MUC6: variants seen among roughly 807,000 people sequenced by gnomAD.
MUC6 encodes mucin-6.
In MUC6, 188 loss-of-function variants were observed where a neutral mutation model predicts 201.5. The observed-to-expected ratio is 0.93, with a 90% CI of 0.83 to 1.05. The LOEUF (loss-of-function observed/expected upper bound fraction) is 1.05. Ranked by LOEUF, MUC6 falls within the 50% of genes least tolerant of loss-of-function variation. MUC6 has a pLI of 0.00. For missense variants in MUC6, 2,706 were observed against 3,256.9 expected (o/e 0.83, Z 4.12); for synonymous variants, 1,228 against 1,389.4 (o/e 0.88, Z 2.58).
At position 1,021,118 on chromosome 11, in the gene MUC6, C is replaced by G. The variant is rs997063399; in HGVS notation, c.3589+97G>C. 57 of 1,222,650 alleles carry G rather than the reference C, an allele frequency of 4.7e-5. No homozygotes were observed. In the East Asian group the frequency reaches 1.6e-3, roughly 33 times the overall value. 75.7% of individuals were successfully genotyped at this position (1,222,650 alleles called of 1,614,324 possible). A position where few individuals can be genotyped will look rare whatever the true frequency, so the allele number is the denominator to read the frequency against. On this transcript the variant is annotated intron_variant, in intron 27 of 32. Coordinates refer to ENST00000421673, the MANE Select transcript of MUC6 (RefSeq NM_005961.3). The stretch of plus-strand genomic sequence containing the variant: ...CCAGAGCTCACGTAAGGGCTCACAG[C>G]CCCCGAGGGCTCTCTCCCTTGTTTG...
chr11:1,023,413 TGTGTGAATGAATGAATGC>T (rs1216116534), intron 26 of MUC6, 78 bp downstream of exon 26: 12 of 1,399,798 alleles, frequency 8.6e-6, no homozygotes, highest in South Asian at 8.1e-5. Context: ...CATGAATGAA[TGTGTGAATGAATGAATGC>T]GTGTGAATGA....
chr11:1,022,370 G>T (rs912759793), intron 26 of MUC6, among the ~76,000 whole-genome samples: 1 of 151,604 alleles, frequency 6.6e-6, no homozygotes, highest in African/African-American at 2.4e-5. Flanking sequence ...TGCAGCCCGC[G>T]CCCCTCACTC....
At chr11:1,021,137 T>C (rs369736979) in intron 27 of MUC6, 78 bp downstream of exon 27, 1 of 1,365,202 alleles carries the variant, frequency 7.3e-7, no homozygotes. Context: ...GCTCTCTCCC[T>C]TGTTTGTGGG....
At chr11:1,023,093 T>G (rs976631445) in intron 26 of MUC6, among the ~76,000 whole-genome samples, 1 of 142,546 alleles carries the variant, frequency 7.0e-6, no homozygotes, top group Non-Finnish European at 1.5e-5. Flanking sequence ...TGTGTGTGGG[T>G]GAATGAATGG....
Position 1,027,163 on chromosome 11 carries a change from C to T in MUC6, c.2262G>A (p.Pro754=), listed in dbSNP as rs751973769. The change falls in exon 18 of 33, where the codon CCG becomes CCA. Residue 754 remains proline (P), a synonymous_variant. Transcript: ENST00000421673. Reference sequence around the variant, plus strand: ...TACCCAGGAACATCTGTGGCCGCTGCGGGCAACTCAGCCGCCCGTTGATGC... The same window carrying T: ...TACCCAGGAACATCTGTGGCCGCTGTGGGCAACTCAGCCGCCCGTTGATGC... ...CHCINGRLSC[P]QRPQMFLASC... The T allele has an allele frequency of 4.4e-5, 71 of 1,612,438 alleles. No homozygotes were observed. The highest frequency in any genetic ancestry group is 5.5e-5 in the South Asian group (5 of 91,090).
rs758835108 is a variant in MUC6, at chr11:1,033,205, G to A, written c.53-130C>T. 1.9e-5 allele frequency: 17 copies of A among 899,598 alleles called. No homozygotes were observed. Among genetic ancestry groups the A allele is most frequent in the African/African-American group, 1.3e-4 (8 of 60,952 alleles). The allele number at this position is 899,598 out of a possible 1,614,324, so 55.7% of individuals were successfully genotyped here. ...GGCGTGCGAGAAGTGTCCATGGCCCGTGGGGCTCGAGGCCTCAACAGCAAG... is the reference window on the plus strand; with the variant it reads ...GGCGTGCGAGAAGTGTCCATGGCCCATGGGGCTCGAGGCCTCAACAGCAAG... On this transcript the variant is annotated intron_variant, in intron 1 of 32. Transcript: ENST00000421673. This position sits in a 1 kb window ranked among gnomAD's most constrained non-coding sequence, Gnocchi z 5.6.
intron 20 of MUC6, 79 bp downstream of exon 20, chr11:1,026,248 C>T: frequency 6.5e-7 from 1 of 1,537,174 alleles, no homozygotes; most frequent in African/African-American, 1.4e-5. Context: ...GCCTCTGGGA[C>T]AGCCCCACCC....
intron 1 of MUC6, among the ~76,000 whole-genome samples, chr11:1,035,401 G>T (rs1047270906): frequency 6.6e-6 from 1 of 152,212 alleles, no homozygotes; most frequent in Non-Finnish European, 1.5e-5. Flanking sequence ...GCTGTGCCAG[G>T]TGTGCAGGTA....
In MUC6 at chr11:1,020,725, G is replaced by T; in HGVS notation, c.3599C>A (p.Thr1200Asn). 4 of 1,613,078 alleles carry T rather than the reference G, an allele frequency of 2.5e-6. No homozygotes were observed. Among genetic ancestry groups the T allele is most frequent in the Non-Finnish European group, 3.4e-6 (4 of 1,179,870 alleles). The change falls in exon 28 of 33, where the codon ACC becomes AAC. Residue 1200 changes from threonine to asparagine, a missense_variant. Transcript: ENST00000421673. ...CGGCGTGGTGGGTGGCTGCGGCGTG[G>T]TGGGCGGCACTGCAAGAAGATGGGG... ...EGVCVPCMPP[T>N]TPQPPTTPQL... is the part of the protein sequence containing the mutation.
At chr11:1,019,954 A>T in intron 29 of MUC6, 136 bp downstream of exon 29, 1 of 1,189,378 alleles carries the variant, frequency 8.4e-7, no homozygotes, top group South Asian at 1.3e-5. Flanking sequence ...TCCCAAGCAT[A>T]GGAAGTTCTA....
At chr11:1,029,389 C>G (rs927508878) in intron 9 of MUC6, 23 bp from the exon 10 acceptor site, 1 of 1,592,910 alleles carries the variant, frequency 6.3e-7, no homozygotes, top group African/African-American at 1.3e-5. Flanking sequence ...GTGGGGGTAG[C>G]GGCATGGTGG....
Position 1,027,748 on chromosome 11 carries a change from C to T in MUC6, c.1918G>A (p.Val640Ile), listed in dbSNP as rs746619035. 2.1e-5 allele frequency: 33 copies of T among 1,609,584 alleles called. No individual in the cohort carries two copies. In the Admixed American group the frequency reaches 2.7e-4, roughly 13 times the overall value. The change falls in exon 16 of 33, where the codon GTA (valine) becomes ATA (isoleucine). Residue 640 changes from valine (V) to isoleucine (I), a missense_variant. Physicochemically the swap from Val to Ile is conservative, Grantham distance 29. Transcript: ENST00000421673. ...PHICAALGDY[V>I]HACSLRGVLL... Reference sequence around the variant, plus strand: ...ACGCCCCGCAAGGAGCAGGCGTGTACGTAGTCGCCCAGGGCGGCACAGATG... The same window carrying T: ...ACGCCCCGCAAGGAGCAGGCGTGTATGTAGTCGCCCAGGGCGGCACAGATG...
At chr11:1,013,775 A>T in intron 32 of MUC6, 124 bp downstream of exon 32, 1 of 1,386,832 alleles carries the variant, frequency 7.2e-7, no homozygotes, top group Non-Finnish European at 9.9e-7. Flanking sequence ...TGTTGGGCAG[A>T]TGGAGCGCAG....
At chr11:1,027,658 C>T (rs1171177923) in intron 16 of MUC6, 27 bp downstream of exon 16, 1 of 1,582,872 alleles carries the variant, frequency 6.3e-7, no homozygotes, top group Non-Finnish European at 8.6e-7. Context: ...CTGCCGTGAC[C>T]CCGCTTAAGC....
chr11:1,016,403 G>T lies in MUC6; in HGVS notation c.6398C>A (p.Pro2133His). ...AACAGTAGAGGGGGCAGAAGGACTG[G>T]GAGAAAATGAGGAGGACAGCTGATT... ...TTNQLSSSFSPSPSAPSTVSS... is the reference protein window; with the variant it reads ...TTNQLSSSFSHSPSAPSTVSS... The change falls in exon 31 of 33, where the codon CCC becomes CAC. Residue 2133 changes from proline to histidine, a missense_variant. Transcript: ENST00000421673. 1.2e-6 allele frequency: 2 copies of T among 1,613,666 alleles called. No individual in the cohort carries two copies. Among genetic ancestry groups the T allele is most frequent in the Non-Finnish European group, 1.7e-6 (2 of 1,179,782 alleles).
chr11:1,020,335 G>A, intron 28 of MUC6, 78 bp from the exon 29 acceptor site: 3 of 1,508,248 alleles, frequency 2.0e-6, no homozygotes, highest in Non-Finnish European at 2.7e-6. Flanking sequence ...TGCCTGCTTG[G>A]CCCTGAAGCC....
chr11:1,031,800 C>T lies in MUC6; in HGVS notation c.356+13G>A, dbSNP rs765816373. ...GGCCCCCGAGCCCCCGGGCCCCGGC[C>T]CACCTGACCTACCCGATGTCCTTGA... On this transcript the variant is annotated intron_variant, in intron 3 of 32. Coordinates refer to ENST00000421673, the MANE Select transcript of MUC6 (RefSeq NM_005961.3). 4 of 1,586,634 alleles carry T rather than the reference C, an allele frequency of 2.5e-6. No individual in the cohort carries two copies. Among genetic ancestry groups the T allele is most frequent in the Non-Finnish European group, 2.6e-6 (3 of 1,167,000 alleles).
At position 1,031,955 on chromosome 11, in the gene MUC6, C is replaced by T. The variant is rs201870451; in HGVS notation, c.214G>A (p.Ala72Thr). ...DFSGTCNYIF[A>T]ATCKDAFPTF... is the part of the protein sequence containing the mutation. ...GGGAAGGCGTCCTTGCAGGTGGCCG[C>T]GAAGATGTAGTTGCACGTCCCCGAG... Residue 72 changes from alanine to threonine, a missense_variant, in exon 3 of 33, where the codon GCG (alanine) becomes ACG (threonine). This residue lies in a region of MUC6 where 1,850 missense variants were observed against 1,958.3 expected (regional missense o/e 0.94). Transcript: ENST00000421673. The T allele has an allele frequency of 9.8e-5, 158 of 1,613,546 alleles. 1 individual carries two copies. In the African/African-American group the frequency reaches 1.6e-3, roughly 16 times the overall value.
Position 1,027,987 on chromosome 11 carries a change from A to G in MUC6, c.1826T>C (p.Val609Ala). 4.4e-6 allele frequency: 7 copies of G among 1,581,666 alleles called. No homozygotes were observed. The highest frequency in any genetic ancestry group is 6.0e-6 in the Non-Finnish European group (7 of 1,164,194). The change falls in exon 15 of 33, where the codon GTG becomes GCG. Residue 609 changes from valine (V) to alanine (A), a missense_variant. By Grantham distance (64) the Val-to-Ala change is moderately conservative. Around this residue, in one of 10 missense-constraint regions of MUC6, gnomAD observed 1,850 missense variants for 1,958.3 expected, o/e 0.94. Transcript: ENST00000421673. ...CACCTTGTAGAAGGGTGCAGGGTTC[A>G]CTGTGGCGTGGCACCTCTCGAACAC... ...GTVFERCHAT[V>A]NPAPFYKRCV...
Sources: allele counts gnomAD v4.1 joint callset (sites outside exome capture counted in the v4.1 genomes callset), GRCh38; gene constraint gnomAD v4.1.1; regional missense constraint gnomAD v4.1.1; non-coding constraint Gnocchi (gnomAD v3.1); transcripts MANE v1.5; gene names NCBI Gene and HGNC (gene_info 2026-07-23, HGNC 2026-07-21).